RBFOX1: variants seen among roughly 807,000 people sequenced by gnomAD.
RBFOX1 encodes the protein RNA binding fox-1 homolog 1.
In RBFOX1, 8 loss-of-function variants were observed where a neutral mutation model predicts 57.7. The observed-to-expected ratio is 0.14, with a 90% CI of 0.08 to 0.25. The LOEUF is 0.25. Among genes scored for constraint, RBFOX1 ranks in the 10% least tolerant of loss-of-function variants. The probability of loss-of-function intolerance (pLI) is 1.00; values close to 1 mark genes in which losing one functional copy is unlikely to be tolerated. For missense variants in RBFOX1, 611 were observed against 548.5 expected (o/e 1.11, Z -1.14); for synonymous variants, 326 against 222.4 (o/e 1.47, Z -4.15).
chr16:5,980,621 G>A (rs76269403), intron 4 of RBFOX1, among the ~76,000 whole-genome samples: 1,943 of 152,242 alleles, frequency 0.013, 38 homozygotes, highest in African/African-American at 0.045. Flanking sequence ...TGACTTTGGA[G>A]GGGATTTGTG....
chr16:7,619,407 G>A (rs2058960866), intron 10 of RBFOX1, among the ~76,000 whole-genome samples: 1 of 152,130 alleles, frequency 6.6e-6, no homozygotes, highest in African/African-American at 2.4e-5. Context: ...GTTGTGGCAG[G>A]CATAGACAAC....
At chr16:7,043,261 C>T (rs182208126) in intron 3 of RBFOX1, among the ~76,000 whole-genome samples, 5 of 152,272 alleles carry the variant, frequency 3.3e-5, no homozygotes, top group Admixed American at 3.3e-4. Context: ...CCCTGGAACC[C>T]TGTTTTTTCT....
chr16:7,355,275 A>G (rs1426563940), intron 4 of RBFOX1, among the ~76,000 whole-genome samples: 1 of 152,196 alleles, frequency 6.6e-6, no homozygotes, highest in Non-Finnish European at 1.5e-5. Context: ...CCAGCAACTC[A>G]GAGTCCCTCT....
At chr16:6,822,855 T>C (rs559781126) in intron 3 of RBFOX1, among the ~76,000 whole-genome samples, 1 of 152,308 alleles carries the variant, frequency 6.6e-6, no homozygotes, top group Admixed American at 6.5e-5. Flanking sequence ...CTTTGTGCCT[T>C]AAAATGCCTG....
chr16:5,697,781 C>T (rs1222341608), intron 3 of RBFOX1, among the ~76,000 whole-genome samples: 1 of 152,124 alleles, frequency 6.6e-6, no homozygotes, highest in East Asian at 1.9e-4. Context: ...ATCTGCCTGC[C>T]TCAGCCTCCC....
intron 3 of RBFOX1, among the ~76,000 whole-genome samples, chr16:6,840,624 C>G (rs1207638199): frequency 6.6e-6 from 1 of 152,078 alleles, no homozygotes; most frequent in Non-Finnish European, 1.5e-5. Flanking sequence ...CACAGTGGCT[C>G]ATACCCATAA....
chr16:6,996,869 A>T (rs1339252368), intron 3 of RBFOX1, among the ~76,000 whole-genome samples: 1 of 152,194 alleles, frequency 6.6e-6, no homozygotes, highest in Non-Finnish European at 1.5e-5. Flanking sequence ...TGAAAGAATA[A>T]CACATCTGTA....
chr16:5,629,217 G>T (rs2880427), intron 3 of RBFOX1, among the ~76,000 whole-genome samples: 20,876 of 152,234 alleles, frequency 0.14, 4,294 homozygotes, highest in African/African-American at 0.45. Flanking sequence ...AAGCAGAAGT[G>T]ATTCTAGAAT....
intron 4 of RBFOX1, among the ~76,000 whole-genome samples, chr16:7,503,101 G>C (rs1466380887): frequency 6.6e-6 from 1 of 152,138 alleles, no homozygotes; most frequent in Admixed American, 6.5e-5. Flanking sequence ...TTTTTATCTA[G>C]AATGTTTATT....
chr16:6,124,137 G>T (rs1298413103), intron 1 of RBFOX1, among the ~76,000 whole-genome samples: 1 of 152,114 alleles, frequency 6.6e-6, no homozygotes, highest in Non-Finnish European at 1.5e-5. Context: ...CACACAGTTT[G>T]TATTATTTGT....
intron 3 of RBFOX1, among the ~76,000 whole-genome samples, chr16:6,940,879 G>GTGTGTGTGTGTGTGTGTGTGTT (rs1555653223): frequency 7.2e-6 from 1 of 138,566 alleles, no homozygotes; most frequent in African/African-American, 2.8e-5. Flanking sequence ...GTGTGTGTGT[G>GTGTGTGTGTGTGTGTGTGTGTT]TGTGTGTGTG....
At chr16:6,436,323 G>T (rs2094231583) in intron 2 of RBFOX1, among the ~76,000 whole-genome samples, 1 of 151,998 alleles carries the variant, frequency 6.6e-6, no homozygotes, top group African/African-American at 2.4e-5. Flanking sequence ...CCTTTTCTCT[G>T]TTAGTATATT....
chr16:7,666,771 A>C (rs1019104243), intron 13 of RBFOX1, among the ~76,000 whole-genome samples: 1 of 152,220 alleles, frequency 6.6e-6, no homozygotes, highest in Non-Finnish European at 1.5e-5. Flanking sequence ...AGAGAGGAAA[A>C]AGAAAATTTA....
At chr16:6,008,521 C>T (rs1449165532) in intron 4 of RBFOX1, among the ~76,000 whole-genome samples, 1 of 152,048 alleles carries the variant, frequency 6.6e-6, no homozygotes, top group Non-Finnish European at 1.5e-5. Flanking sequence ...TAAAAGCTTG[C>T]TGGTTAGAGG....
intron 3 of RBFOX1, among the ~76,000 whole-genome samples, chr16:6,753,056 GTAT>G (rs758280085): frequency 1.0e-4 from 15 of 142,874 alleles, no homozygotes; most frequent in Admixed American, 2.9e-4. Context: ...TGGTCATATA[GTAT>G]TATTAGGAAG....
chr16:6,842,652 C>T (rs1261541312), intron 3 of RBFOX1, among the ~76,000 whole-genome samples: 1 of 141,872 alleles, frequency 7.0e-6, no homozygotes, highest in East Asian at 2.0e-4. Context: ...AATCTATTTG[C>T]TTTTTTTTTT....
chr16:6,977,489 G>A (rs2087350016), intron 3 of RBFOX1, among the ~76,000 whole-genome samples: 1 of 152,078 alleles, frequency 6.6e-6, no homozygotes, highest in Non-Finnish European at 1.5e-5. Context: ...ATGCAGCCCA[G>A]CAAGTCCCAG....
intron 1 of RBFOX1, among the ~76,000 whole-genome samples, chr16:5,248,493 A>G (rs1313467513): frequency 1.3e-5 from 2 of 152,144 alleles, no homozygotes; most frequent in African/African-American, 4.8e-5. Context: ...CAGGTCACCC[A>G]CAGCCTAGCA....
At chr16:6,547,938 C>A (rs966502550) in intron 2 of RBFOX1, among the ~76,000 whole-genome samples, 2 of 152,080 alleles carry the variant, frequency 1.3e-5, no homozygotes, top group Admixed American at 6.5e-5. Context: ...TGTGAAAGAC[C>A]CTTAGCTGGG....
Sources: gnomAD v4.1 joint callset for allele counts (sites outside exome capture counted in the v4.1 genomes callset) on GRCh38, gnomAD v4.1.1 for gene constraint, MANE v1.5 for transcripts, NCBI Gene and HGNC (gene_info 2026-07-23, HGNC 2026-07-21) for gene names.